TBL3: variants seen among roughly 807,000 people sequenced by gnomAD.
The protein encoded by TBL3 is transducin beta-like protein 3.
Under a neutral mutation model 102.7 loss-of-function variants are expected in TBL3, and 71 were observed. The observed-to-expected ratio is 0.69, with a 90% CI of 0.57 to 0.84. The LOEUF (loss-of-function observed/expected upper bound fraction) is 0.84, where lower values mean the gene tolerates loss of function less well. Ranked by LOEUF, TBL3 falls within the 40% of genes least tolerant of loss-of-function variation. The pLI is 0.00. For missense variants in TBL3, 1,188 were observed against 1,098.5 expected (o/e 1.08, Z -1.15); for synonymous variants, 578 against 477.7 (o/e 1.21, Z -2.74).
chr16:1,979,926 G>T lies in TBL3; in HGVS notation c.*1241G>T, dbSNP rs767016899. ...AGCCTGTGCGCAAGAAGCGGGCAGGGACTCAAATCTCGAGGCTCCCTCGGG... is the reference window on the plus strand; with the variant it reads ...AGCCTGTGCGCAAGAAGCGGGCAGGTACTCAAATCTCGAGGCTCCCTCGGG... On this transcript the variant is annotated 3_prime_UTR_variant, in exon 22 of 22. Transcript: ENST00000568546. 1 of 1,576,824 alleles carries T rather than the reference G, an allele frequency of 6.3e-7. No individual in the cohort carries two copies. The highest frequency in any genetic ancestry group is 1.2e-5 in the South Asian group (1 of 86,904).
In TBL3 at chr16:1,978,809, C is replaced by A; in HGVS notation, c.*124C>A. On this transcript the variant is annotated 3_prime_UTR_variant, in exon 22 of 22. Transcript: ENST00000568546. ...CCACCCTGGCCAACACCCTACCTAG[C>A]CAGCCAGAAGGGCACTGGAGCTGAT... 7.5e-7 allele frequency: 1 copy of A among 1,335,110 alleles called. No individual in the cohort carries two copies. The highest frequency in any genetic ancestry group is 1.4e-5 in the South Asian group (1 of 71,852). 82.7% of individuals were successfully genotyped at this position (1,335,110 alleles called of 1,614,324 possible). A position where few individuals can be genotyped will look rare whatever the true frequency, so the allele number is the denominator to read the frequency against.
chr16:1,979,918 CG>C lies in TBL3; in HGVS notation c.*1236del. The stretch of plus-strand genomic sequence containing the variant: ...CAGCCACCAGCCTGTGCGCAAGAAG[CG>C]GGCAGGGACTCAAATCTCGAGGCTC... On this transcript the variant is annotated 3_prime_UTR_variant, in exon 22 of 22. Transcript: ENST00000568546. 2.5e-6 allele frequency: 4 copies of C among 1,576,804 alleles called. No individual in the cohort carries two copies. In the South Asian group the frequency reaches 3.5e-5, roughly 14 times the overall value.
At chr16:1,977,897 G>T in intron 18 of TBL3, 61 bp from the exon 19 acceptor site, 2 of 1,595,126 alleles carry the variant, frequency 1.3e-6, no homozygotes, top group South Asian at 2.2e-5. Context: ...TGCTGACTCC[G>T]ATGGCTCTGC....
Position 1,978,672 on chromosome 16 carries a change from G to GC in TBL3, c.2415dup (p.Ala806ArgfsTer78). The stretch of plus-strand genomic sequence containing the variant: ...CCCACCCCCTGGGAAACCCATAAAG[G>GC]CGCACTGCCCTAGCCGGTCCGGCCT... On this transcript the variant is annotated frameshift_variant, in exon 22 of 22. Transcript: ENST00000568546. LOFTEE classifies it high-confidence loss of function. The GC allele has an allele frequency of 6.2e-7, 1 of 1,611,822 alleles. No individual in the cohort carries two copies. Among genetic ancestry groups the GC allele is most frequent in the South Asian group, 1.1e-5 (1 of 91,052 alleles).
At position 1,981,995 on chromosome 16, in the gene TBL3, CT is replaced by C. The variant is rs983644612; in HGVS notation, c.*3312del. 99 of 152,254 alleles carry C rather than the reference CT, an allele frequency of 6.5e-4. 1 individual carries two copies. Among genetic ancestry groups the C allele is most frequent in the African/African-American group, 2.2e-3 (92 of 41,532 alleles). The allele number at this position is 152,254 out of a possible 1,614,324, so 9.4% of individuals were successfully genotyped here. Reference sequence around the variant, plus strand: ...CCTCTCAATTCACGATTTGCCATGACTTACTGCAAACATGGCCTGGGCAGAG... The same window carrying C: ...CCTCTCAATTCACGATTTGCCATGACTACTGCAAACATGGCCTGGGCAGAG... On this transcript the variant is annotated 3_prime_UTR_variant, in exon 22 of 22. Coordinates refer to ENST00000568546, the MANE Select transcript of TBL3 (RefSeq NM_006453.3).
At chr16:1,975,289 G>A in intron 8 of TBL3, 27 bp downstream of exon 8, 1 of 1,613,984 alleles carries the variant, frequency 6.2e-7, no homozygotes, top group Non-Finnish European at 8.5e-7. Flanking sequence ...GCCAGGGCTG[G>A]TTGAGTTGGG....
chr16:1,976,460 C>T (rs756400539), intron 13 of TBL3, 146 bp downstream of exon 13: 36 of 712,562 alleles, frequency 5.1e-5, no homozygotes, highest in Non-Finnish European at 8.5e-5. Flanking sequence ...CAGAACAGGA[C>T]AGGAGAGTCC....
chr16:1,975,628 A>ACACCGCCGGCGTGGTCCTCACCGC lies in TBL3; in HGVS notation c.914_937dup (p.Gly305_Ala312dup). On this transcript the variant is annotated inframe_insertion, in exon 10 of 22. Transcript: ENST00000568546. Reference sequence around the variant, plus strand: ...GAGCTGACCCACTGCACCCTGGCACACACCGCCGGCGTGGTCCTCACCGCC... The same window carrying ACACCGCCGGCGTGGTCCTCACCGC: ...GAGCTGACCCACTGCACCCTGGCACACACCGCCGGCGTGGTCCTCACCGCCACCGCCGGCGTGGTCCTCACCGCC... 1 of 1,603,702 alleles carries ACACCGCCGGCGTGGTCCTCACCGC rather than the reference A, an allele frequency of 6.2e-7. No homozygotes were observed. The highest frequency in any genetic ancestry group is 8.5e-7 in the Non-Finnish European group (1 of 1,179,788).
chr16:1,978,606 TC>T lies in TBL3; in HGVS notation c.2350del (p.Leu784CysfsTer5), dbSNP rs764711674. On this transcript the variant is annotated frameshift_variant, in exon 22 of 22. Coordinates refer to ENST00000568546, the MANE Select transcript of TBL3 (RefSeq NM_006453.3). LOFTEE classifies it low-confidence loss of function (END_TRUNC). ...RTLQAAAFLD[F>X]LWHNMKLPVP... is the part of the protein sequence containing the mutation. ...CTCCAGGCCGCCGCTTTCTTGGACT[TC>T]CTGTGGCACAACATGAAGCTCCCTG... 5.6e-6 allele frequency: 9 copies of T among 1,612,738 alleles called. No individual in the cohort carries two copies. Among genetic ancestry groups the T allele is most frequent in the East Asian group, 2.2e-5 (1 of 44,854 alleles).
intron 2 of TBL3, 40 bp from the exon 3 acceptor site, chr16:1,974,157 G>C: frequency 6.4e-7 from 1 of 1,562,490 alleles, no homozygotes; most frequent in Non-Finnish European, 8.7e-7. Flanking sequence ...GGCCGCGGGG[G>C]GTGCTGAATG....
Position 1,974,359 on chromosome 16 carries a change from A to T in TBL3, c.190-17A>T, listed in dbSNP as rs1371190651. ...AGCCCACTCACACCGTGCTCGGCAC[A>T]CCACTCTTTCTCCTAGGAGGACCAG... On this transcript the variant is annotated splice_polypyrimidine_tract_variant and intron_variant, in intron 3 of 21. Transcript: ENST00000568546. 6.2e-7 allele frequency: 1 copy of T among 1,605,468 alleles called. No individual in the cohort carries two copies. Among genetic ancestry groups the T allele is most frequent in the South Asian group, 1.1e-5 (1 of 90,040 alleles).
rs1385676713 is a variant in TBL3 at position 1,978,352 on chromosome 16, C to T, written c.2174C>T (p.Ser725Leu). The change falls in exon 21 of 22, where the codon TCG becomes TTG. Residue 725 changes from serine to leucine, a missense_variant. Coordinates refer to ENST00000568546, the MANE Select transcript of TBL3 (RefSeq NM_006453.3). ...TTCTGCGTCACGTGGAACACCAACTCGCGGCACTGCCACGAGGCCCAGGCC... is the reference window on the plus strand; with the variant it reads ...TTCTGCGTCACGTGGAACACCAACTTGCGGCACTGCCACGAGGCCCAGGCC... ...LRFCVTWNTNSRHCHEAQAVL... is the reference protein window; with the variant it reads ...LRFCVTWNTNLRHCHEAQAVL... 1 of 1,611,132 alleles carries T rather than the reference C, an allele frequency of 6.2e-7. No individual in the cohort carries two copies. Among genetic ancestry groups the T allele is most frequent in the Non-Finnish European group, 8.5e-7 (1 of 1,178,904 alleles).
At position 1,982,501 on chromosome 16, in the gene TBL3, GCTGACAGCTC is replaced by G. The variant is rs2083523033; in HGVS notation, c.*3820_*3829del. The G allele has an allele frequency of 6.6e-6, 1 of 152,204 alleles. No homozygotes were observed. The highest frequency in any genetic ancestry group is 2.4e-5 in the African/African-American group (1 of 41,390). 9.4% of individuals were successfully genotyped at this position (152,204 alleles called of 1,614,324 possible). A position where few individuals can be genotyped will look rare whatever the true frequency, so the allele number is the denominator to read the frequency against. On this transcript the variant is annotated 3_prime_UTR_variant, in exon 22 of 22. Coordinates refer to ENST00000568546, the MANE Select transcript of TBL3 (RefSeq NM_006453.3). ...ATTCTGAGGCCACCTGCCTACCCCA[GCTGACAGCTC>G]CTGCCCCACACCCCATCAGCCCTGC...
In TBL3 at chr16:1,977,562, T is replaced by C. The variant is rs1446116755; in HGVS notation, c.1791T>C (p.Cys597=). The C allele has an allele frequency of 1.9e-6, 3 of 1,592,842 alleles. No individual in the cohort carries two copies. The highest frequency in any genetic ancestry group is 2.6e-6 in the Non-Finnish European group (3 of 1,169,114). The change falls in exon 17 of 22, where the codon TGT becomes TGC. Residue 597 remains cysteine, a synonymous_variant. Coordinates refer to ENST00000568546, the MANE Select transcript of TBL3 (RefSeq NM_006453.3). ...TCTGGACCATCAAGAACAACGAGTG[T>C]GTGCGGACGCTGGATGCCCACGAGG... ...VKLWTIKNNE[C]VRTLDAHEDK...
At position 1,974,353 on chromosome 16, in the gene TBL3, C is replaced by G. The variant is rs753799132; in HGVS notation, c.190-23C>G. ...GAGGGCAGCCCACTCACACCGTGCT[C>G]GGCACACCACTCTTTCTCCTAGGAG... On this transcript the variant is annotated intron_variant, in intron 3 of 21. Coordinates refer to ENST00000568546, the MANE Select transcript of TBL3 (RefSeq NM_006453.3). 6.2e-6 allele frequency: 10 copies of G among 1,601,982 alleles called. No individual in the cohort carries two copies. The South Asian group carries it at 1.1e-4, about 18-fold the overall frequency.
chr16:1,980,746 C>A lies in TBL3; in HGVS notation c.*2061C>A, dbSNP rs1178506931. The A allele has an allele frequency of 1.3e-6, 2 of 1,586,602 alleles. No homozygotes were observed. Among genetic ancestry groups the A allele is most frequent in the Non-Finnish European group, 1.7e-6 (2 of 1,165,636 alleles). ...TTGAGGGTCTTCTGAGGGCGGGAAC[C>A]AGGGCATTGGTCTTCCAGAGCCCAC... On this transcript the variant is annotated 3_prime_UTR_variant, in exon 22 of 22. Transcript: ENST00000568546.
At chr16:1,973,512 G>C (rs1597047100) in intron 1 of TBL3, among the ~76,000 whole-genome samples, 2 of 152,334 alleles carry the variant, frequency 1.3e-5, no homozygotes, top group South Asian at 4.1e-4. Context: ...GCCAGAGACT[G>C]TGATGGGCTG....
At chr16:1,978,291 A>T in intron 20 of TBL3, 22 bp from the exon 21 acceptor site, 1 of 1,610,620 alleles carries the variant, frequency 6.2e-7, no homozygotes, top group African/African-American at 1.3e-5. Flanking sequence ...GGGCAAGACG[A>T]TGAGGGTCCT....
Position 1,974,664 on chromosome 16 carries a change from A to T in TBL3, c.364A>T (p.Thr122Ser). The T allele has an allele frequency of 1.9e-6, 3 of 1,608,338 alleles. No homozygotes were observed. The highest frequency in any genetic ancestry group is 2.5e-6 in the Non-Finnish European group (3 of 1,176,662). ...CACCATGGCCTTCGACCCCACCTCC[A>T]CTCTGCTAGCCACAGGTAGGGCCCT... The part of the protein sequence containing the change: ...VATMAFDPTS[T>S]LLATGGCDGA... The change falls in exon 5 of 22, where the codon ACT (threonine) becomes TCT (serine). Residue 122 changes from threonine to serine, a missense_variant. Transcript: ENST00000568546.
Sources: gnomAD v4.1 joint callset for allele counts (sites outside exome capture counted in the v4.1 genomes callset) on GRCh38, gnomAD v4.1.1 for gene constraint, MANE v1.5 for transcripts, NCBI Gene and HGNC (gene_info 2026-07-23, HGNC 2026-07-21) for gene names.